Variants in PCDHGA3 observed in about 807,000 individuals in gnomAD.
The protein encoded by PCDHGA3 is protocadherin gamma subfamily A, 3, also known as protocadherin gamma-A3.
In PCDHGA3, 40 loss-of-function variants were observed where a neutral mutation model predicts 58.5. The ratio of observed to expected loss-of-function variants is 0.68; its 90% CI spans 0.53 to 0.89. The LOEUF is 0.89. Ranked by LOEUF, PCDHGA3 falls within the 40% of genes least tolerant of loss-of-function variation. The pLI, the probability that PCDHGA3 is intolerant of heterozygous loss-of-function variation, is 0.00. For missense variants in PCDHGA3, 1,223 were observed against 1,195.9 expected, an observed-to-expected ratio of 1.02 and a Z score of -0.33; for synonymous variants, 530 against 525.7, an observed-to-expected ratio of 1.01 and a Z score of -0.11.
chr5:141,396,804 G>A lies in PCDHGA3; in HGVS notation c.2424+50347G>A, dbSNP rs189942396. On this transcript the variant is annotated intron_variant, in intron 1 of 3. Coordinates refer to ENST00000253812, the MANE Select transcript of PCDHGA3 (RefSeq NM_018916.4). ...AAGGACATTTCCTAAGGATTGTGTA[G>A]TGTTCTACTGTATGGTGCATATTCA... Among the ~76,000 whole-genome samples the A allele has an allele frequency of 2.8e-4, 42 of 152,300 alleles. 1 individual carries two copies. The highest frequency in any genetic ancestry group is 9.6e-4 in the African/African-American group (40 of 41,552).
At position 141,345,743 on chromosome 5, in the gene PCDHGA3, C is replaced by A. The variant is rs745630768; in HGVS notation, c.1710C>A (p.Asp570Glu). ...PEILYPALPT[D>E]GSTGVELAPR... ...TCCTGTACCCCGCCCTCCCCACAGA[C>A]GGTTCCACTGGCGTGGAGCTGGCGC... The change falls in exon 1 of 4, where the codon GAC (aspartate) becomes GAA (glutamate). Residue 570 changes from aspartate to glutamate, a missense_variant. Transcript: ENST00000253812. 30 of 1,614,114 alleles carry A rather than the reference C, an allele frequency of 1.9e-5. No individual in the cohort carries two copies. The highest frequency in any genetic ancestry group is 2.2e-5 in the Non-Finnish European group (26 of 1,180,056).
At chr5:141,357,538 A>T in intron 1 of PCDHGA3, 1 of 1,614,228 alleles carries the variant, frequency 6.2e-7, no homozygotes, top group Non-Finnish European at 8.5e-7. Context: ...AGACACGCTC[A>T]TCAGCCGGGA....
rs117623972 is a variant in PCDHGA3 at position 141,503,322 on chromosome 5, C to T, written c.2484-2071C>T. On this transcript the variant is annotated intron_variant, in intron 2 of 3. Transcript: ENST00000253812. Reference sequence around the variant, plus strand: ...GCTCAAGAAAGAATTGTTGGAGGGGCGCGGTGGCTCACGCCTGTAATTCCA... The same window carrying T: ...GCTCAAGAAAGAATTGTTGGAGGGGTGCGGTGGCTCACGCCTGTAATTCCA... Among the ~76,000 whole-genome samples, 216 of 152,126 alleles carry T rather than the reference C, an allele frequency of 1.4e-3. 8 individuals carry two copies. In the East Asian group the frequency reaches 0.038, roughly 27 times the overall value.
intron 1 of PCDHGA3, chr5:141,385,245 G>A: frequency 6.2e-7 from 1 of 1,613,932 alleles, no homozygotes; most frequent in Non-Finnish European, 8.5e-7. Context: ...TCATCAGCCA[G>A]GAGAGCTGTG....
intron 1 of PCDHGA3, chr5:141,377,207 A>G (rs1170353646): frequency 6.6e-6 from 1 of 152,122 alleles, no homozygotes; most frequent in Non-Finnish European, 1.5e-5. Context: ...GATTGAGTAC[A>G]TCTCGTTTCT....
At chr5:141,498,967 GGGAGGGAA>G (rs1395523211) in intron 2 of PCDHGA3, among the ~76,000 whole-genome samples, 34 of 129,670 alleles carry the variant, frequency 2.6e-4, no homozygotes, top group Admixed American at 1.5e-3. Flanking sequence ...GAGGGAGGGA[GGGAGGGAA>G]GGAAGGAAGG....
At chr5:141,393,406 G>A (rs762034418) in intron 1 of PCDHGA3, 1 of 1,614,026 alleles carries the variant, frequency 6.2e-7, no homozygotes, top group Admixed American at 1.7e-5. Flanking sequence ...GTGCTGGAGC[G>A]CGCCCTGGAC....
intron 1 of PCDHGA3, chr5:141,376,074 T>C (rs1309324229): frequency 6.2e-6 from 10 of 1,613,500 alleles, no homozygotes; most frequent in South Asian, 1.1e-5. Flanking sequence ...ACCGTGGCCG[T>C]GGCCGACAGG....
intron 1 of PCDHGA3, chr5:141,391,341 C>G (rs2092360139): frequency 6.9e-6 from 1 of 145,086 alleles, no homozygotes. Flanking sequence ...GAGACAGAGT[C>G]TCTGTCTGTT....
At chr5:141,409,122 T>G (rs1276365021) in intron 1 of PCDHGA3, 1 of 1,614,026 alleles carries the variant, frequency 6.2e-7, no homozygotes, top group South Asian at 1.1e-5. Context: ...AACCAGTCAT[T>G]TGATTTTGAA....
intron 1 of PCDHGA3, among the ~76,000 whole-genome samples, chr5:141,459,971 A>G (rs1458539493): frequency 2.6e-5 from 4 of 152,208 alleles, no homozygotes; most frequent in Non-Finnish European, 5.9e-5. Flanking sequence ...CCAGCTACTC[A>G]GGAGGCTGAG....
At position 141,350,800 on chromosome 5, in the gene PCDHGA3, G is replaced by A. The variant is rs768629636; in HGVS notation, c.2424+4343G>A. 3.1e-6 allele frequency: 5 copies of A among 1,614,010 alleles called. No individual in the cohort carries two copies. In the East Asian group the frequency reaches 1.1e-4, roughly 36 times the overall value. On this transcript the variant is annotated intron_variant, in intron 1 of 3. Transcript: ENST00000253812. ...ATCAATACTTCTCTCTGTCAACGAA[G>A]GAAAGTCCTGATGGAAGTAAATATC... is the stretch of plus-strand genomic sequence containing the variant.
chr5:141,428,658 T>G (rs932328483), intron 1 of PCDHGA3: 1 of 165,620 alleles, frequency 6.0e-6, no homozygotes, highest in Non-Finnish European at 1.3e-5. Flanking sequence ...TGAGTTCCAA[T>G]GAATGTCTTT....
At chr5:141,370,746 C>A in intron 1 of PCDHGA3, 1 of 1,613,906 alleles carries the variant, frequency 6.2e-7, no homozygotes, top group Non-Finnish European at 8.5e-7. Context: ...AAACTTTTTT[C>A]ATGTAACTGT....
At chr5:141,379,009 A>T (rs1310996873) in intron 1 of PCDHGA3, 1 of 152,210 alleles carries the variant, frequency 6.6e-6, no homozygotes, top group Non-Finnish European at 1.5e-5. Flanking sequence ...ATTTTTCTCC[A>T]GTCATGAGTT....
rs1757604773 is a variant in PCDHGA3 at position 141,345,592 on chromosome 5, TC to T, written c.1560del (p.Phe520LeufsTer9). On this transcript the variant is annotated frameshift_variant, in exon 1 of 4. Transcript: ENST00000253812. LOFTEE classifies it high-confidence loss of function. ...NTGVLYALRS[F>X]DYEQFRDLKL... is the part of the protein sequence containing the mutation. ...GGCGTCCTATACGCGCTGAGATCCT[TC>T]GACTACGAGCAATTTAGAGACTTAA... 6.2e-7 allele frequency: 1 copy of T among 1,614,038 alleles called. No individual in the cohort carries two copies.
In PCDHGA3 at chr5:141,345,626, G is replaced by C; in HGVS notation, c.1593G>C (p.Leu531=). The change falls in exon 1 of 4, where the codon CTG becomes CTC. Residue 531 remains leucine, a synonymous_variant. Transcript: ENST00000253812. ...AGCAATTTAGAGACTTAAAGCTACT[G>C]GTGACAGCCAGCGACAGCGGGAACC... ...DYEQFRDLKL[L]VTASDSGNPP... is the part of the protein sequence containing the mutation. 6.2e-7 allele frequency: 1 copy of C among 1,614,202 alleles called. No individual in the cohort carries two copies.
At position 141,431,178 on chromosome 5, in the gene PCDHGA3, T is replaced by A; in HGVS notation, c.2425-63629T>A. 2 of 1,614,078 alleles carry A rather than the reference T, an allele frequency of 1.2e-6. No individual in the cohort carries two copies. Among genetic ancestry groups the A allele is most frequent in the Non-Finnish European group, 1.7e-6 (2 of 1,180,000 alleles). On this transcript the variant is annotated intron_variant, in intron 1 of 3. Coordinates refer to ENST00000253812, the MANE Select transcript of PCDHGA3 (RefSeq NM_018916.4). This position sits in a 1 kb window ranked among gnomAD's most constrained non-coding sequence, Gnocchi z 4.8. ...TACTTTCGTGAAAGTGAATTAGAAATAAAAATTAGTGAAAATGCAGCCACT... is the reference window on the plus strand; with the variant it reads ...TACTTTCGTGAAAGTGAATTAGAAAAAAAAATTAGTGAAAATGCAGCCACT...
intron 3 of PCDHGA3, among the ~76,000 whole-genome samples, chr5:141,509,092 G>T (rs943269087): frequency 1.3e-5 from 2 of 152,180 alleles, no homozygotes; most frequent in African/African-American, 4.8e-5. Context: ...TGAAATGGGG[G>T]CTGTAGAAAC....
Sources: gnomAD v4.1 joint callset for allele counts (sites outside exome capture counted in the v4.1 genomes callset) on GRCh38, gnomAD v4.1.1 for gene constraint, Gnocchi (gnomAD v3.1) non-coding constraint, MANE v1.5 for transcripts, NCBI Gene and HGNC (gene_info 2026-07-23, HGNC 2026-07-21) for gene names.